The following SNAP91 variants were observed in gnomAD, a reference collection of about 807,000 sequenced individuals.
The protein encoded by SNAP91 is synaptosome associated protein 91, also known as clathrin coat assembly protein AP180.
SNAP91 carries 27 observed loss-of-function variants against 100.3 expected under a neutral mutation model. The ratio of observed to expected loss-of-function variants is 0.27; its 90% CI spans 0.20 to 0.37. SNAP91 has a LOEUF of 0.37. SNAP91 is among the 10% of genes least tolerant of loss of function. The probability of loss-of-function intolerance (pLI) is 1.00; values close to 1 mark genes in which losing one functional copy is unlikely to be tolerated. For synonymous variants in SNAP91, 404 were observed against 398.6 expected (o/e 1.01, Z -0.16); for missense variants, 986 against 1,123.7 (o/e 0.88, Z 1.75).
upstream of SNAP91, chr6:83,709,294 GAGA>G (rs1406920591): frequency 1.3e-5 from 2 of 152,258 alleles, no homozygotes; most frequent in African/African-American, 4.8e-5. Context: ...AGCCGGCGGG[GAGA>G]AGAAGGAGGC....
intron 2 of SNAP91, among the ~76,000 whole-genome samples, chr6:83,698,223 T>C (rs2099246398): frequency 6.6e-6 from 1 of 150,420 alleles, no homozygotes; most frequent in Admixed American, 6.7e-5. Context: ...AGCATACAGG[T>C]GGACTATCAA....
chr6:83,656,216 G>C (rs1171687741), intron 7 of SNAP91, among the ~76,000 whole-genome samples: 1 of 152,126 alleles, frequency 6.6e-6, no homozygotes, highest in Non-Finnish European at 1.5e-5. Context: ...AATGGATAGA[G>C]AGCATGAGAC....
At chr6:83,620,899 T>C (rs2096694518) in intron 9 of SNAP91, among the ~76,000 whole-genome samples, 1 of 151,646 alleles carries the variant, frequency 6.6e-6, no homozygotes, top group South Asian at 2.1e-4. Flanking sequence ...TTTTTTTTAG[T>C]TGAGACGGGG....
chr6:83,584,861 C>T (rs2092104237), intron 22 of SNAP91, among the ~76,000 whole-genome samples: 1 of 152,188 alleles, frequency 6.6e-6, no homozygotes. Context: ...CACTGTACCA[C>T]ACAGCCTCTT....
intron 26 of SNAP91, among the ~76,000 whole-genome samples, chr6:83,567,277 C>G (rs1396545529): frequency 1.3e-5 from 2 of 152,124 alleles, no homozygotes; most frequent in African/African-American, 2.4e-5. Flanking sequence ...TAACAGTGAT[C>G]TTCCTGCAAA....
At chr6:83,676,584 G>C (rs899217785) in intron 2 of SNAP91, among the ~76,000 whole-genome samples, 2 of 152,172 alleles carry the variant, frequency 1.3e-5, no homozygotes, top group African/African-American at 4.8e-5. Context: ...GAGCAAGCAA[G>C]GGACGGAGTG....
intron 2 of SNAP91, among the ~76,000 whole-genome samples, chr6:83,681,079 G>C (rs377653317): frequency 6.6e-6 from 1 of 152,112 alleles, no homozygotes. Context: ...TCAAGCATAG[G>C]AGTCCCTAGC....
At chr6:83,594,210 A>G (rs1377899516) in intron 17 of SNAP91, among the ~76,000 whole-genome samples, 164 bp downstream of exon 17, 1 of 152,220 alleles carries the variant, frequency 6.6e-6, no homozygotes, top group African/African-American at 2.4e-5. Context: ...TATGTACTTC[A>G]TTGTCTTAAT....
chr6:83,584,316 G>A (rs1002759305), intron 22 of SNAP91, among the ~76,000 whole-genome samples: 4 of 152,082 alleles, frequency 2.6e-5, no homozygotes, highest in Admixed American at 1.3e-4. Context: ...GTGATGGAAA[G>A]GGCCTCAGGA....
chr6:83,567,384 C>T (rs1798203132), intron 26 of SNAP91, among the ~76,000 whole-genome samples: 1 of 151,984 alleles, frequency 6.6e-6, no homozygotes, highest in Non-Finnish European at 1.5e-5. Context: ...AATGTTAGAC[C>T]GAAAACCATA....
chr6:83,668,302 C>T (rs2098722995), intron 2 of SNAP91, among the ~76,000 whole-genome samples: 1 of 152,252 alleles, frequency 6.6e-6, no homozygotes, highest in African/African-American at 2.4e-5. Flanking sequence ...ACCAGAAATA[C>T]CATTTGACCC....
rs773096842 is a variant in SNAP91, at chr6:83,582,262, T to G, written c.2109A>C (p.Thr703=). The change falls in exon 23 of 30, where the codon ACA becomes ACC. Residue 703 remains threonine (T), a synonymous_variant. Coordinates refer to ENST00000369694, the MANE Select transcript of SNAP91 (RefSeq NM_001242792.2). ...LQPNFEAAFG[T]TPSTSSSSSF... Reference sequence around the variant, plus strand: ...AGCTGCTGCTGGAAGTTGAAGGCGTTGTCCCAAAAGCTGCCTCAAAATTGG... The same window carrying G: ...AGCTGCTGCTGGAAGTTGAAGGCGTGGTCCCAAAAGCTGCCTCAAAATTGG... 5 of 1,613,708 alleles carry G rather than the reference T, an allele frequency of 3.1e-6. No homozygotes were observed. The highest frequency in any genetic ancestry group is 4.2e-6 in the Non-Finnish European group (5 of 1,179,738).
intron 12 of SNAP91, among the ~76,000 whole-genome samples, chr6:83,609,363 A>G (rs369344230): frequency 5.4e-4 from 82 of 152,346 alleles, no homozygotes; most frequent in African/African-American, 1.9e-3. Flanking sequence ...AGTTTTTCAC[A>G]TAGACATAAT....
At chr6:83,606,081 CACAA>C (rs1221942181) in intron 13 of SNAP91, among the ~76,000 whole-genome samples, 1 of 152,160 alleles carries the variant, frequency 6.6e-6, no homozygotes, top group East Asian at 1.9e-4. Flanking sequence ...ATAGACAATA[CACAA>C]ACAAATCAAC....
rs1051318799 is a variant in SNAP91 at position 83,656,834 on chromosome 6, A to G, written c.578T>C (p.Ile193Thr). The G allele has an allele frequency of 6.2e-7, 1 of 1,604,804 alleles. No homozygotes were observed. The highest frequency in any genetic ancestry group is 8.5e-7 in the Non-Finnish European group (1 of 1,175,104). The change falls in exon 7 of 30, where the codon ATA becomes ACA. Residue 193 changes from isoleucine to threonine, a missense_variant. This residue lies in a region of SNAP91 where 330 missense variants were observed against 447.5 expected (regional missense o/e 0.74). Coordinates refer to ENST00000369694, the MANE Select transcript of SNAP91 (RefSeq NM_001242792.2). ...VHPNELTNGV[I>T]NAAFMLLFKD... ...GAAAAGAAGCATAAATGCTGCATTT[A>G]TGACACCATTTGTTAGTTCATTTGG... is the stretch of plus-strand genomic sequence containing the variant.
At chr6:83,699,634 C>T (rs2099266736) in intron 2 of SNAP91, among the ~76,000 whole-genome samples, 1 of 152,024 alleles carries the variant, frequency 6.6e-6, no homozygotes, top group South Asian at 2.1e-4. Context: ...AACTGAAAAG[C>T]TGAGAATTTT....
intron 2 of SNAP91, among the ~76,000 whole-genome samples, chr6:83,695,185 G>C (rs1170180882): frequency 6.8e-6 from 1 of 148,026 alleles, no homozygotes; most frequent in East Asian, 2.0e-4. Flanking sequence ...GCTGAGAGAG[G>C]AGAATCACCA....
intron 3 of SNAP91, among the ~76,000 whole-genome samples, chr6:83,663,094 A>G (rs2098594635): frequency 1.3e-5 from 2 of 152,258 alleles, no homozygotes; most frequent in South Asian, 4.1e-4. Flanking sequence ...CTGTGCCCAT[A>G]AATGATGGCA....
intron 2 of SNAP91, among the ~76,000 whole-genome samples, chr6:83,680,919 T>C (rs2098980192): frequency 6.6e-6 from 1 of 152,126 alleles, no homozygotes; most frequent in African/African-American, 2.4e-5. Flanking sequence ...GGGGAAACTG[T>C]CCCAGCTTGT....
Sources: allele counts gnomAD v4.1 joint callset (sites outside exome capture counted in the v4.1 genomes callset), GRCh38; gene constraint gnomAD v4.1.1; regional missense constraint gnomAD v4.1.1; transcripts MANE v1.5; gene names NCBI Gene and HGNC (gene_info 2026-07-23, HGNC 2026-07-21).